XRCC6: variants seen among roughly 807,000 people sequenced by gnomAD.
The protein encoded by XRCC6 is DNA repair protein Ku70.
In XRCC6, 5 loss-of-function variants were observed where a neutral mutation model predicts 65.7. That is an observed-to-expected ratio of 0.08 (90% confidence interval 0.04 to 0.16). XRCC6 has a LOEUF of 0.16. XRCC6 is among the 10% of genes least tolerant of loss of function. The probability of loss-of-function intolerance (pLI) is 1.00; values close to 1 mark genes in which losing one functional copy is unlikely to be tolerated. For missense variants in XRCC6, 447 were observed against 738.1 expected (o/e 0.61, Z 4.57); for synonymous variants, 270 against 270.6 (o/e 1.00, Z 0.02).
chr22:41,646,923 A>G lies in XRCC6; in HGVS notation c.801A>G (p.Ile267Met), dbSNP rs778516859. 8.7e-6 allele frequency: 14 copies of G among 1,613,044 alleles called. No individual in the cohort carries two copies. In the Admixed American group the frequency reaches 1.8e-4, roughly 21 times the overall value. ...SRLKLKLNKD[I>M]VISVGIYNLV... ...TAAAGCTGAAGCTCAACAAAGATAT[A>G]GTGATCTCTGTGGGCATTTATAATC... is the stretch of plus-strand genomic sequence containing the variant. The change falls in exon 7 of 13, where the codon ATA (isoleucine) becomes ATG (methionine). Residue 267 changes from isoleucine to methionine, a missense_variant. This residue lies in a region of XRCC6 where 14 missense variants were observed against 23.8 expected (regional missense o/e 0.59). Coordinates refer to ENST00000360079, the MANE Select transcript of XRCC6 (RefSeq NM_001469.5).
chr22:41,656,435 T>C (rs1024180037), intron 9 of XRCC6, among the ~76,000 whole-genome samples: 2 of 151,184 alleles, frequency 1.3e-5, no homozygotes, highest in Non-Finnish European at 2.9e-5. Context: ...GAGAACCGCT[T>C]GAACCTGGGA....
intron 6 of XRCC6, among the ~76,000 whole-genome samples, chr22:41,646,603 CAA>C (rs1378699662): frequency 1.3e-5 from 2 of 151,630 alleles, no homozygotes; most frequent in Non-Finnish European, 2.9e-5. Flanking sequence ...GCAAATATTC[CAA>C]AAAAAATCTG....
intron 6 of XRCC6, among the ~76,000 whole-genome samples, chr22:41,640,962 G>T (rs1160475888): frequency 1.3e-5 from 2 of 152,076 alleles, no homozygotes; most frequent in Admixed American, 1.3e-4. Context: ...TACCTCCTTG[G>T]GTAGGTGCAG....
intron 9 of XRCC6, among the ~76,000 whole-genome samples, chr22:41,655,886 C>T (rs552866077): frequency 4.0e-5 from 6 of 151,738 alleles, no homozygotes; most frequent in Admixed American, 3.9e-4. Context: ...CCTGTTGCAC[C>T]TCAAACTGTA....
intron 2 of XRCC6, among the ~76,000 whole-genome samples, chr22:41,624,518 C>G (rs2067647219): frequency 6.6e-6 from 1 of 151,050 alleles, no homozygotes. Flanking sequence ...AACCCCGTCT[C>G]TACTAAAAAA....
intron 6 of XRCC6, among the ~76,000 whole-genome samples, chr22:41,641,459 T>C (rs1190429406): frequency 6.6e-6 from 1 of 152,214 alleles, no homozygotes; most frequent in African/African-American, 2.4e-5. Flanking sequence ...CTTTGTATTA[T>C]AAGCAATCTG....
intron 3 of XRCC6, among the ~76,000 whole-genome samples, chr22:41,631,619 G>A (rs1199700066): frequency 1.1e-4 from 14 of 130,000 alleles, no homozygotes; most frequent in African/African-American, 4.2e-4. Flanking sequence ...TGGCGGCTGG[G>A]CAGAGACGCT....
intron 3 of XRCC6, among the ~76,000 whole-genome samples, chr22:41,628,806 T>C (rs530731051): frequency 8.6e-5 from 13 of 151,504 alleles, no homozygotes; most frequent in African/African-American, 3.1e-4. Flanking sequence ...CTACTAACAA[T>C]GCAAAAATAA....
At chr22:41,632,608 C>T (rs2067767356) in intron 3 of XRCC6, among the ~76,000 whole-genome samples, 1 of 151,886 alleles carries the variant, frequency 6.6e-6, no homozygotes. Flanking sequence ...GAGACTCCAT[C>T]TCAAGAAAAC....
At chr22:41,652,654 C>T (rs996281115) in intron 8 of XRCC6, among the ~76,000 whole-genome samples, 2 of 151,576 alleles carry the variant, frequency 1.3e-5, no homozygotes, top group African/African-American at 4.9e-5. Flanking sequence ...GCGTGAGCCA[C>T]CTCACCTGGC....
In XRCC6 at chr22:41,650,896, G is replaced by A. The variant is rs373247479; in HGVS notation, c.1129+5G>A. ...CAGAGGAGTCGCTGGTGATTGGTAA[G>A]TAGCGTGGACCATGGATGAGTGACT... On this transcript the variant is annotated splice_donor_5th_base_variant and intron_variant, in intron 8 of 12. Transcript: ENST00000360079. The A allele has an allele frequency of 1.5e-5, 24 of 1,613,996 alleles. No individual in the cohort carries two copies. The African/African-American group carries it at 1.6e-4, about 11-fold the overall frequency.
intron 6 of XRCC6, among the ~76,000 whole-genome samples, chr22:41,646,218 G>C (rs1297097429): frequency 1.3e-5 from 2 of 151,764 alleles, no homozygotes; most frequent in African/African-American, 2.4e-5. Flanking sequence ...CAGGAGAATC[G>C]CTTGAACCCG....
At chr22:41,623,821 G>A (rs1164472194) in intron 2 of XRCC6, among the ~76,000 whole-genome samples, 1 of 151,998 alleles carries the variant, frequency 6.6e-6, no homozygotes, top group Non-Finnish European at 1.5e-5. Context: ...CCCCAGTTCA[G>A]GCTATTCTCC....
rs56354308 is a variant in XRCC6, at chr22:41,637,502, A to G, written c.590-106A>G. The G allele has an allele frequency of 7.7e-5, 78 of 1,008,904 alleles. No individual in the cohort carries two copies. The African/African-American group carries it at 1.1e-3, about 14-fold the overall frequency. 62.5% of individuals were successfully genotyped at this position (1,008,904 alleles called of 1,614,324 possible). ...TAAGTCCTGAAAATGTTAATAGTCT[A>G]GTTTTCAGGGAGCTTTTAAAAGCAT... On this transcript the variant is annotated intron_variant, in intron 5 of 12. Coordinates refer to ENST00000360079, the MANE Select transcript of XRCC6 (RefSeq NM_001469.5).
rs574254606 is a variant in XRCC6 at position 41,621,817 on chromosome 22, C to T, written c.-15-173C>T. Reference sequence around the variant, plus strand: ...TGAGATGAGGCAGCTACTGGGATGGCCCCCATGCGCATTTACATGCAGTCC... The same window carrying T: ...TGAGATGAGGCAGCTACTGGGATGGTCCCCATGCGCATTTACATGCAGTCC... On this transcript the variant is annotated intron_variant, in intron 1 of 12. Transcript: ENST00000360079. 105 of 600,060 alleles carry T rather than the reference C, an allele frequency of 1.7e-4. 2 individuals carry two copies. Among genetic ancestry groups the T allele is most frequent in the African/African-American group, 1.0e-3 (55 of 53,650 alleles). 37.2% of individuals were successfully genotyped at this position (600,060 alleles called of 1,614,324 possible).
At chr22:41,663,542 C>G in intron 12 of XRCC6, 80 bp from the exon 13 acceptor site, 1 of 1,483,114 alleles carries the variant, frequency 6.7e-7, no homozygotes, top group South Asian at 1.3e-5. Context: ...CCAGATTATA[C>G]GAGGTCCCCC....
Position 41,647,092 on chromosome 22 carries a change from G to C in XRCC6, c.960+10G>C. 1.2e-6 allele frequency: 2 copies of C among 1,612,644 alleles called. No individual in the cohort carries two copies. The highest frequency in any genetic ancestry group is 1.7e-6 in the Non-Finnish European group (2 of 1,179,344). On this transcript the variant is annotated intron_variant, in intron 7 of 12. Transcript: ENST00000360079. Reference sequence around the variant, plus strand: ...TACCAAGAGGTCTCAGGTAGGTAGAGATGCCTTTTGTTGTTGTTGTTTTTG... The same window carrying C: ...TACCAAGAGGTCTCAGGTAGGTAGACATGCCTTTTGTTGTTGTTGTTTTTG...
chr22:41,660,165 G>C (rs1365579369), intron 11 of XRCC6, among the ~76,000 whole-genome samples: 1 of 152,192 alleles, frequency 6.6e-6, no homozygotes, highest in Non-Finnish European at 1.5e-5. Flanking sequence ...ATACGGGCAT[G>C]TGAGCTGCCC....
intron 2 of XRCC6, among the ~76,000 whole-genome samples, chr22:41,624,924 G>A (rs949598541): frequency 4.0e-5 from 6 of 151,868 alleles, no homozygotes; most frequent in Non-Finnish European, 8.8e-5. Context: ...GTGAACCCGG[G>A]AGGCGGAGCT....
Sources: allele counts gnomAD v4.1 joint callset (sites outside exome capture counted in the v4.1 genomes callset), GRCh38; gene constraint gnomAD v4.1.1; regional missense constraint gnomAD v4.1.1; transcripts MANE v1.5; gene names NCBI Gene and HGNC (gene_info 2026-07-23, HGNC 2026-07-21).